The following LRRTM3 variants were observed in gnomAD, a reference collection of about 807,000 sequenced individuals.
LRRTM3 encodes the protein leucine rich repeat transmembrane neuronal 3.
In LRRTM3, 24 loss-of-function variants were observed where a neutral mutation model predicts 44.7. That is an observed-to-expected ratio of 0.54 (90% CI 0.39 to 0.76). The LOEUF is 0.76. LRRTM3 is among the 30% of genes least tolerant of loss of function. The pLI is 0.00. For synonymous variants in LRRTM3, 277 were observed against 278.7 expected, an observed-to-expected ratio of 0.99 and a Z score of 0.06; for missense variants, 587 against 702.2, an observed-to-expected ratio of 0.84 and a Z score of 1.85.
intron 2 of LRRTM3, among the ~76,000 whole-genome samples, chr10:67,080,835 G>A (rs934642807): frequency 4.0e-5 from 6 of 151,858 alleles, no homozygotes; most frequent in Admixed American, 3.9e-4. Flanking sequence ...CGTGAACCCG[G>A]GAGGCAGAGC....
intron 2 of LRRTM3, among the ~76,000 whole-genome samples, chr10:67,079,386 A>G (rs1358595369): frequency 6.6e-6 from 1 of 152,212 alleles, no homozygotes; most frequent in Non-Finnish European, 1.5e-5. Context: ...TCCTAGATAT[A>G]ATATCTAACA....
At chr10:66,955,275 G>T (rs555976120) in intron 2 of LRRTM3, among the ~76,000 whole-genome samples, 3 of 150,920 alleles carry the variant, frequency 2.0e-5, no homozygotes, top group African/African-American at 7.4e-5. Flanking sequence ...GGAAGAAAAA[G>T]ATAACGATTA....
intron 2 of LRRTM3, among the ~76,000 whole-genome samples, chr10:67,067,921 A>G (rs997951453): frequency 1.3e-5 from 2 of 152,230 alleles, no homozygotes; most frequent in African/African-American, 4.8e-5. Context: ...GGAGGTGTCA[A>G]TTCAATCTGG....
At chr10:67,004,180 C>T (rs1254013815) in intron 2 of LRRTM3, among the ~76,000 whole-genome samples, 2 of 151,664 alleles carry the variant, frequency 1.3e-5, no homozygotes, top group African/African-American at 2.4e-5. Flanking sequence ...ACTTAATTAA[C>T]AGGGTCATTG....
intron 2 of LRRTM3, among the ~76,000 whole-genome samples, chr10:67,014,453 C>T (rs770106450): frequency 1.3e-5 from 2 of 152,046 alleles, no homozygotes; most frequent in South Asian, 2.1e-4. Context: ...CCAGGTGGTG[C>T]CTGTTTGTAA....
At chr10:67,022,912 T>C (rs920451836) in intron 2 of LRRTM3, among the ~76,000 whole-genome samples, 1 of 152,106 alleles carries the variant, frequency 6.6e-6, no homozygotes, top group Non-Finnish European at 1.5e-5. Context: ...CACTCCAGCC[T>C]GGGCAAGAGA....
intron 2 of LRRTM3, among the ~76,000 whole-genome samples, chr10:66,929,203 T>C (rs1043177467): frequency 1.2e-4 from 18 of 152,244 alleles, no homozygotes; most frequent in African/African-American, 4.1e-4. Context: ...GAGGTTTCAC[T>C]GCCAATTTCT....
At chr10:66,937,738 C>T (rs1020051117) in intron 2 of LRRTM3, among the ~76,000 whole-genome samples, 1 of 152,102 alleles carries the variant, frequency 6.6e-6, no homozygotes, top group African/African-American at 2.4e-5. Flanking sequence ...GCCCATGCTT[C>T]CCAATCTCTG....
chr10:66,956,100 G>A (rs1589487532), intron 2 of LRRTM3, among the ~76,000 whole-genome samples: 2 of 152,138 alleles, frequency 1.3e-5, no homozygotes, highest in East Asian at 3.9e-4. Flanking sequence ...AAAGGTACCT[G>A]ACCACCCAAG....
chr10:67,060,632 G>A (rs999208339), intron 2 of LRRTM3, among the ~76,000 whole-genome samples: 9 of 152,130 alleles, frequency 5.9e-5, no homozygotes, highest in African/African-American at 2.2e-4. Context: ...CTCATGTGCT[G>A]TTGGCAGTTT....
rs961637551 is a variant in LRRTM3 at position 66,926,160 on chromosome 10, G to T, written c.-424G>T. ...TGGCTGAACTGGGTGCTCATCACGG[G>T]AACTGCTGGGGTATGGAATACAGAT... On this transcript the variant is annotated 5_prime_UTR_variant, in exon 1 of 3. Transcript: ENST00000361320. 2 of 462,386 alleles carry T rather than the reference G, an allele frequency of 4.3e-6. No individual in the cohort carries two copies. Among genetic ancestry groups the T allele is most frequent in the Non-Finnish European group, 8.7e-6 (2 of 231,098 alleles). 28.6% of individuals were successfully genotyped at this position (462,386 alleles called of 1,614,324 possible).
intron 2 of LRRTM3, among the ~76,000 whole-genome samples, chr10:66,940,859 T>A (rs1375999958): frequency 6.6e-6 from 1 of 152,196 alleles, no homozygotes; most frequent in African/African-American, 2.4e-5. Context: ...TCTGGTAATA[T>A]GACAAAACAG....
At chr10:66,988,493 C>A (rs539417429) in intron 2 of LRRTM3, among the ~76,000 whole-genome samples, 1 of 152,260 alleles carries the variant, frequency 6.6e-6, no homozygotes, top group East Asian at 1.9e-4. Flanking sequence ...AAAGCTCCAA[C>A]TTCTGTGTAT....
At chr10:67,025,475 A>G (rs1266748750) in intron 2 of LRRTM3, among the ~76,000 whole-genome samples, 1 of 152,170 alleles carries the variant, frequency 6.6e-6, no homozygotes, top group Non-Finnish European at 1.5e-5. Context: ...TAGATTACCA[A>G]TCACTCAGAA....
At chr10:66,945,012 C>T (rs1288480596) in intron 2 of LRRTM3, among the ~76,000 whole-genome samples, 1 of 152,106 alleles carries the variant, frequency 6.6e-6, no homozygotes, top group Non-Finnish European at 1.5e-5. Context: ...GTTGATTTAG[C>T]ATCATTCTTA....
chr10:67,050,386 G>C (rs949710772), intron 2 of LRRTM3, among the ~76,000 whole-genome samples: 17 of 151,978 alleles, frequency 1.1e-4, no homozygotes, highest in Admixed American at 2.0e-4. Context: ...TTTAGCTAAG[G>C]TGATGTAATT....
At chr10:67,031,067 T>C (rs1293684064) in intron 2 of LRRTM3, among the ~76,000 whole-genome samples, 1 of 152,176 alleles carries the variant, frequency 6.6e-6, no homozygotes, top group Non-Finnish European at 1.5e-5. Context: ...AACACACATT[T>C]TACCCCGTCA....
intron 2 of LRRTM3, among the ~76,000 whole-genome samples, chr10:66,989,038 T>C (rs1850891131): frequency 6.6e-6 from 1 of 152,116 alleles, no homozygotes; most frequent in African/African-American, 2.4e-5. Flanking sequence ...CTTTTATCAG[T>C]CTCGTTACCT....
chr10:66,929,043 G>A (rs1312437337), intron 2 of LRRTM3, among the ~76,000 whole-genome samples: 1 of 152,184 alleles, frequency 6.6e-6, no homozygotes. Context: ...TTCCAGAGGT[G>A]TCTGAATTAC....
Sources: gnomAD v4.1 joint callset for allele counts (sites outside exome capture counted in the v4.1 genomes callset) on GRCh38, gnomAD v4.1.1 for gene constraint, MANE v1.5 for transcripts, NCBI Gene and HGNC (gene_info 2026-07-23, HGNC 2026-07-21) for gene names.